The following RERE variants were observed in gnomAD, a reference collection of about 807,000 sequenced individuals.
The protein encoded by RERE is arginine-glutamic acid dipeptide repeats protein.
In RERE, 40 loss-of-function variants were observed where a neutral mutation model predicts 146.1. The ratio of observed to expected loss-of-function variants is 0.27; its 90% CI spans 0.21 to 0.36. The LOEUF is 0.36. Among genes scored for constraint, RERE ranks in the 10% least tolerant of loss-of-function variants. The probability of loss-of-function intolerance (pLI) is 1.00; values close to 1 mark genes in which losing one functional copy is unlikely to be tolerated. For missense variants in RERE, 1,933 were observed against 2,138.7 expected (o/e 0.90, Z 1.90); for synonymous variants, 1,003 against 866.0 (o/e 1.16, Z -2.78).
At chr1:8,805,056 G>A (rs1641663407) in intron 1 of RERE, among the ~76,000 whole-genome samples, 1 of 137,002 alleles carries the variant, frequency 7.3e-6, no homozygotes, top group South Asian at 2.3e-4. Flanking sequence ...TGTCACCCAG[G>A]CTGGAGTGCA....
At chr1:8,366,494 G>A (rs931813754) in intron 12 of RERE, among the ~76,000 whole-genome samples, 4 of 152,166 alleles carry the variant, frequency 2.6e-5, no homozygotes, top group Non-Finnish European at 4.4e-5. Flanking sequence ...AAACTGCCCA[G>A]GTGGTGAGGA....
chr1:8,359,782 GCGCTCCCGCTCT>G lies in RERE; in HGVS notation c.3588_3599del (p.Arg1198_Glu1201del), dbSNP rs778061502. ...GACTCACAGCCGCCCGCTCTGCCTC[GCGCTCCCGCTCT>G]CGCTCCCGCTCCCGCTCCTTCTCCT... On this transcript the variant is annotated inframe_deletion, in exon 19 of 23. Coordinates refer to ENST00000400908, the MANE Select transcript of RERE (RefSeq NM_001042681.2). 334 of 1,601,048 alleles carry G rather than the reference GCGCTCCCGCTCT, an allele frequency of 2.1e-4. 2 individuals are homozygous for G. Among genetic ancestry groups the G allele is most frequent in the Admixed American group, 9.4e-4 (56 of 59,862 alleles).
chr1:8,775,863 T>A (rs1248317017), intron 1 of RERE, among the ~76,000 whole-genome samples: 1 of 152,226 alleles, frequency 6.6e-6, no homozygotes, highest in Non-Finnish European at 1.5e-5. Flanking sequence ...CCATTTTGTA[T>A]CGAGGAAGCT....
At chr1:8,666,205 G>C (rs948615465) in intron 1 of RERE, among the ~76,000 whole-genome samples, 4 of 152,228 alleles carry the variant, frequency 2.6e-5, no homozygotes, top group African/African-American at 9.7e-5. Context: ...AGTAGGAGAT[G>C]TTTTCCACCA....
intron 7 of RERE, among the ~76,000 whole-genome samples, chr1:8,517,116 A>G (rs1269022300): frequency 6.6e-6 from 1 of 152,194 alleles, no homozygotes; most frequent in Non-Finnish European, 1.5e-5. Flanking sequence ...TTGGTATCGT[A>G]TTACAGTTAC....
intron 7 of RERE, among the ~76,000 whole-genome samples, chr1:8,510,109 GGAA>G (rs531696022): frequency 1.9e-4 from 29 of 152,106 alleles, no homozygotes; most frequent in African/African-American, 2.7e-4. Context: ...ACGAAGAAGA[GGAA>G]GAAGAAGAAA....
chr1:8,501,037 GGGGGGGGTC>G (rs2124261970), intron 8 of RERE, among the ~76,000 whole-genome samples: 5 of 136,188 alleles, frequency 3.7e-5, no homozygotes, highest in Non-Finnish European at 6.2e-5. Context: ...CGGGAGGGGG[GGGGGGGGTC>G]AGCCCCCCGC....
chr1:8,386,417 G>A (rs1011574218), intron 12 of RERE, among the ~76,000 whole-genome samples: 9 of 150,880 alleles, frequency 6.0e-5, no homozygotes, highest in Non-Finnish European at 1.3e-4. Context: ...GTGTGGCCCT[G>A]TCTCATAAAG....
chr1:8,427,158 G>C (rs1644025987), intron 11 of RERE, among the ~76,000 whole-genome samples: 1 of 152,154 alleles, frequency 6.6e-6, no homozygotes, highest in African/African-American at 2.4e-5. Context: ...ACCCGGACAA[G>C]TGAAACCAAC....
intron 4 of RERE, among the ~76,000 whole-genome samples, chr1:8,602,501 C>A (rs1646645594): frequency 7.5e-6 from 1 of 133,484 alleles, no homozygotes; most frequent in East Asian, 2.2e-4. Flanking sequence ...ATAAGAATTC[C>A]AATAGTTCAG....
At chr1:8,666,441 G>A (rs1638575900) in intron 1 of RERE, among the ~76,000 whole-genome samples, 2 of 152,216 alleles carry the variant, frequency 1.3e-5, no homozygotes, top group East Asian at 1.9e-4. Context: ...GCCTCCAAGA[G>A]AAGCAGCTGC....
At chr1:8,616,829 G>C (rs930689992) in intron 3 of RERE, among the ~76,000 whole-genome samples, 20 of 152,320 alleles carry the variant, frequency 1.3e-4, no homozygotes, top group African/African-American at 4.8e-4. Context: ...GGCAAGCTCA[G>C]AAAATGGGGC....
In RERE at chr1:8,364,363, G is replaced by T; in HGVS notation, c.1541-108C>A. ...GCTCTACCCAAACCTGATGCCACCA[G>T]CACCATGCAGCCCTGGGCCCCAACA... On this transcript the variant is annotated intron_variant, in intron 14 of 22. Transcript: ENST00000400908. This position sits in a 1 kb window ranked among gnomAD's most constrained non-coding sequence, Gnocchi z 5.1. The T allele has an allele frequency of 2.1e-6, 2 of 939,260 alleles. No individual in the cohort carries two copies. Among genetic ancestry groups the T allele is most frequent in the Non-Finnish European group, 3.4e-6 (2 of 593,866 alleles). 58.2% of individuals were successfully genotyped at this position (939,260 alleles called of 1,614,324 possible).
chr1:8,394,686 A>G (rs1642993152), intron 12 of RERE, among the ~76,000 whole-genome samples: 1 of 152,224 alleles, frequency 6.6e-6, no homozygotes, highest in African/African-American at 2.4e-5. Context: ...ATAAGGTCTG[A>G]GTCCCAACTC....
At chr1:8,726,147 C>CTTTTTTTTTTTTTTTTTTTT (rs70985511) in intron 1 of RERE, among the ~76,000 whole-genome samples, 2 of 69,394 alleles carry the variant, frequency 2.9e-5, no homozygotes, top group African/African-American at 6.5e-5. Context: ...TTTTTCTTTT[C>CTTTTTTTTTTTTTTTTTTTT]TTTTTTTTTT....
chr1:8,392,173 C>G (rs2124427198), intron 12 of RERE, among the ~76,000 whole-genome samples: 1 of 152,314 alleles, frequency 6.6e-6, no homozygotes, highest in Admixed American at 6.5e-5. Context: ...AATCTAATAA[C>G]AACTTGACTT....
intron 1 of RERE, among the ~76,000 whole-genome samples, chr1:8,735,095 T>A (rs1014225499): frequency 6.6e-6 from 1 of 152,094 alleles, no homozygotes; most frequent in Non-Finnish European, 1.5e-5. Flanking sequence ...TAACTTAAAC[T>A]TCTTAATAAC....
chr1:8,588,736 A>C (rs1030893245), intron 4 of RERE, among the ~76,000 whole-genome samples: 5 of 152,232 alleles, frequency 3.3e-5, no homozygotes, highest in Non-Finnish European at 7.3e-5. Context: ...CTCAAGTAGA[A>C]ACAGGAGCCC....
chr1:8,708,596 A>C (rs888669437), intron 1 of RERE, among the ~76,000 whole-genome samples: 1 of 152,044 alleles, frequency 6.6e-6, no homozygotes, highest in African/African-American at 2.4e-5. Context: ...AAAGTGCTGG[A>C]ATTACAGGCA....
Sources: gnomAD v4.1 joint callset for allele counts (sites outside exome capture counted in the v4.1 genomes callset) on GRCh38, gnomAD v4.1.1 for gene constraint, Gnocchi (gnomAD v3.1) non-coding constraint, MANE v1.5 for transcripts, NCBI Gene and HGNC (gene_info 2026-07-23, HGNC 2026-07-21) for gene names.